Variants in GPR174 observed in about 807,000 individuals in gnomAD.
GPR174 encodes the protein G protein-coupled receptor 174.
A neutral mutation model predicts 16.5 loss-of-function variants in GPR174; 8 were observed. That is an observed-to-expected ratio of 0.48 (90% CI 0.28 to 0.87). The LOEUF (loss-of-function observed/expected upper bound fraction) is 0.87. GPR174 is among the 40% of genes least tolerant of loss of function. GPR174 has a pLI of 0.09. For missense variants in GPR174, 214 were observed against 247.5 expected (o/e 0.86, Z 0.91); for synonymous variants, 111 against 94.8 (o/e 1.17, Z -0.99).
intron 1 of GPR174, among the ~76,000 whole-genome samples, chrX:79,154,247 C>T (rs1921043915): frequency 9.0e-6 from 1 of 111,353 alleles, no homozygotes; most frequent in South Asian, 3.8e-4. Flanking sequence ...TCCTTTACGT[C>T]TAGATCTGCA....
At position 79,171,646 on chromosome X, in the gene GPR174, A is replaced by G. The variant is rs763162799; in HGVS notation, c.639A>G (p.Gln213=). Residue 213 remains glutamine (Q), a synonymous_variant, in exon 3 of 3, where the codon CAA becomes CAG. Transcript: ENST00000645147. The part of the protein sequence containing the change: ...YCTWKTVLSL[Q]DKYPMAQDLG... ...CCTGGAAGACGGTTTTATCACTGCA[A>G]GATAAATATCCCATGGCCCAAGATC... The G allele has an allele frequency of 1.2e-5, 14 of 1,209,560 alleles. No individual in the cohort carries two copies. Among genetic ancestry groups the G allele is most frequent in the South Asian group, 8.8e-5 (5 of 56,797 alleles).
At chrX:79,150,222 A>G (rs1011925352) in intron 1 of GPR174, among the ~76,000 whole-genome samples, 2 of 111,619 alleles carry the variant, frequency 1.8e-5, no homozygotes, top group Non-Finnish European at 3.8e-5. Flanking sequence ...TATAGGCTAA[A>G]TCAATATCTG....
intron 1 of GPR174, among the ~76,000 whole-genome samples, chrX:79,145,798 A>G (rs1926488514): frequency 8.9e-6 from 1 of 111,774 alleles, no homozygotes; most frequent in Non-Finnish European, 1.9e-5. Context: ...TTAATGATAG[A>G]TATAAAGATT....
intron 1 of GPR174, among the ~76,000 whole-genome samples, chrX:79,152,556 C>T (rs1399531142): frequency 3.6e-5 from 4 of 111,393 alleles, no homozygotes; most frequent in African/African-American, 1.3e-4. Flanking sequence ...AATTATTTCC[C>T]ACCACATTCT....
intron 2 of GPR174, among the ~76,000 whole-genome samples, chrX:79,158,658 G>T (rs1452754624): frequency 9.4e-6 from 1 of 106,366 alleles, no homozygotes; most frequent in Non-Finnish European, 1.9e-5. Context: ...TGGCCAGGAT[G>T]GTCTCGATCT....
chrX:79,168,441 A>G (rs1227251372), intron 2 of GPR174, among the ~76,000 whole-genome samples: 1 of 111,572 alleles, frequency 9.0e-6, no homozygotes. Flanking sequence ...TAAGCTGGGC[A>G]CAATCCCAAC....
chrX:79,164,527 T>G (rs1317290812), intron 2 of GPR174, among the ~76,000 whole-genome samples: 9 of 111,628 alleles, frequency 8.1e-5, no homozygotes, highest in Non-Finnish European at 1.5e-4. Flanking sequence ...TTGTTTCTAC[T>G]AATCAGGAGG....
chrX:79,145,686 A>T (rs757859125), intron 1 of GPR174, among the ~76,000 whole-genome samples: 40 of 111,984 alleles, frequency 3.6e-4, no homozygotes, highest in Admixed American at 8.5e-4. Flanking sequence ...GTTATTTGAA[A>T]AATGAGAGAT....
At chrX:79,163,997 T>C (rs1921295789) in intron 2 of GPR174, among the ~76,000 whole-genome samples, 1 of 111,756 alleles carries the variant, frequency 8.9e-6, no homozygotes, top group Admixed American at 9.5e-5. Flanking sequence ...AATCAATATA[T>C]ATGATGCCAT....
At chrX:79,168,573 C>A (rs1357087278) in intron 2 of GPR174, among the ~76,000 whole-genome samples, 1 of 109,072 alleles carries the variant, frequency 9.2e-6, no homozygotes, top group Non-Finnish European at 1.9e-5. Flanking sequence ...CAGTAGTATG[C>A]ACCTGTTGTC....
At chrX:79,166,978 C>A (rs778421584) in intron 2 of GPR174, among the ~76,000 whole-genome samples, 1 of 111,449 alleles carries the variant, frequency 9.0e-6, no homozygotes, top group African/African-American at 3.3e-5. Flanking sequence ...TAGGTATAAT[C>A]ACAACTAGGC....
intron 1 of GPR174, among the ~76,000 whole-genome samples, chrX:79,156,367 C>T (rs1055539153): frequency 8.9e-6 from 1 of 112,367 alleles, no homozygotes; most frequent in African/African-American, 3.2e-5. Flanking sequence ...AACCACTGGC[C>T]AGCTGGATCT....
chrX:79,160,862 C>T (rs962454100), intron 2 of GPR174, among the ~76,000 whole-genome samples: 2 of 111,397 alleles, frequency 1.8e-5, no homozygotes, highest in Admixed American at 1.9e-4. Flanking sequence ...TTGGTGGTAT[C>T]AGTGATGTTC....
At chrX:79,164,308 C>A (rs1463243599) in intron 2 of GPR174, among the ~76,000 whole-genome samples, 2 of 111,249 alleles carry the variant, frequency 1.8e-5, no homozygotes, top group Admixed American at 9.5e-5. Context: ...TAGTAGCTTA[C>A]AAAAGAAAAA....
intron 2 of GPR174, among the ~76,000 whole-genome samples, chrX:79,162,622 T>C (rs1352604263): frequency 1.8e-5 from 2 of 112,204 alleles, no homozygotes; most frequent in Admixed American, 9.4e-5. Flanking sequence ...ACAGATGTAG[T>C]ATCTGTTTAG....
chrX:79,166,105 T>C, intron 2 of GPR174, among the ~76,000 whole-genome samples: 1 of 111,400 alleles, frequency 9.0e-6, no homozygotes, highest in South Asian at 3.8e-4. Flanking sequence ...AAATTTAATG[T>C]GTAAAATGGA....
chrX:79,163,616 C>T (rs1050904336), intron 2 of GPR174, among the ~76,000 whole-genome samples: 27 of 112,258 alleles, frequency 2.4e-4, no homozygotes, highest in Middle Eastern at 4.6e-3. Flanking sequence ...TGCTAGTCCT[C>T]CTTCATTAGA....
At chrX:79,149,745 TG>T (rs1288732978) in intron 1 of GPR174, among the ~76,000 whole-genome samples, 1 of 109,850 alleles carries the variant, frequency 9.1e-6, no homozygotes, top group Non-Finnish European at 1.9e-5. Flanking sequence ...ATATTGGGTT[TG>T]GGGATACCCA....
chrX:79,147,644 G>T (rs893644329), intron 1 of GPR174, among the ~76,000 whole-genome samples: 1 of 109,570 alleles, frequency 9.1e-6, no homozygotes, highest in Non-Finnish European at 1.9e-5. Flanking sequence ...TTAGACAAGA[G>T]AGAGTATGCA....
Sources: gnomAD v4.1 joint callset for allele counts (sites outside exome capture counted in the v4.1 genomes callset) on GRCh38, gnomAD v4.1.1 for gene constraint, MANE v1.5 for transcripts, NCBI Gene and HGNC (gene_info 2026-07-23, HGNC 2026-07-21) for gene names.